GATA2: variants seen among roughly 807,000 people sequenced by gnomAD.
The protein encoded by GATA2 is endothelial transcription factor GATA-2.
GATA2 carries 6 observed loss-of-function variants against 35.7 expected under a neutral mutation model. The observed-to-expected ratio is 0.17, with a 90% CI of 0.09 to 0.33. GATA2 has a LOEUF of 0.33. GATA2 is among the 10% of genes least tolerant of loss of function. The pLI is 1.00. For synonymous variants in GATA2, 313 were observed against 274.9 expected (o/e 1.14, Z -1.37); for missense variants, 541 against 656.6 (o/e 0.82, Z 1.92).
At position 128,487,073 on chromosome 3, in the gene GATA2, G is replaced by A. The variant is rs886057933; in HGVS notation, c.-42C>T. On this transcript the variant is annotated 5_prime_UTR_variant, in exon 2 of 6. Transcript: ENST00000341105. ...TCAGGGTCTGGGTGCAGACGGCAAC[G>A]GCCCTGCGCGAGGAAGGGGGAGTGA... 6 of 1,490,968 alleles carry A rather than the reference G, an allele frequency of 4.0e-6. No homozygotes were observed. Among genetic ancestry groups the A allele is most frequent in the Middle Eastern group, 4.1e-4 (2 of 4,904 alleles). 92.4% of individuals were successfully genotyped at this position (1,490,968 alleles called of 1,614,324 possible). A position where few individuals can be genotyped will look rare whatever the true frequency, so the allele number is the denominator to read the frequency against.
rs1430738321 is a variant in GATA2, at chr3:128,480,462, C to A, written c.*557G>T. Reference sequence around the variant, plus strand: ...CCGTCAAAGCAGGCACCAGCTCACCCTCCCTGGGCCGTGGCCACTCTGGCT... The same window carrying A: ...CCGTCAAAGCAGGCACCAGCTCACCATCCCTGGGCCGTGGCCACTCTGGCT... On this transcript the variant is annotated 3_prime_UTR_variant, in exon 6 of 6. Transcript: ENST00000341105. 4 of 238,776 alleles carry A rather than the reference C, an allele frequency of 1.7e-5. No individual in the cohort carries two copies. Among genetic ancestry groups the A allele is most frequent in the Non-Finnish European group, 3.3e-5 (4 of 121,938 alleles). 14.8% of individuals were successfully genotyped at this position (238,776 alleles called of 1,614,324 possible). A position where few individuals can be genotyped will look rare whatever the true frequency, so the allele number is the denominator to read the frequency against.
chr3:128,489,109 A>T (rs1247928159), intron 1 of GATA2: 1 of 151,968 alleles, frequency 6.6e-6, no homozygotes, highest in Non-Finnish European at 1.5e-5. Flanking sequence ...GGGCGGCGGG[A>T]TTGACAGTCG....
At position 128,481,133 on chromosome 3, in the gene GATA2, G is replaced by T. The variant is rs769577309; in HGVS notation, c.1329C>A (p.Leu443=). Residue 443 remains leucine, a synonymous_variant, in exon 6 of 6, where the codon CTC becomes CTA. Transcript: ENST00000341105. The stretch of plus-strand genomic sequence containing the variant: ...TGTGTCCGGAGTGGCTGAAGGGCGG[G>T]AGGTGGCCCACAGGTGCCATGTGTC... ...LAGHMAPVGH[L]PPFSHSGHIL... is the part of the protein sequence containing the mutation. The T allele has an allele frequency of 2.5e-6, 4 of 1,614,250 alleles. No individual in the cohort carries two copies. The highest frequency in any genetic ancestry group is 3.4e-6 in the Non-Finnish European group (4 of 1,180,044).
At chr3:128,485,018 T>C (rs1418807051) in intron 3 of GATA2, among the ~76,000 whole-genome samples, 1 of 152,238 alleles carries the variant, frequency 6.6e-6, no homozygotes, top group East Asian at 1.9e-4. Flanking sequence ...CACGAGTTTC[T>C]GGGTTTATGC....
At chr3:128,491,118 G>A (rs1559989977) in intron 1 of GATA2, among the ~76,000 whole-genome samples, 1 of 151,930 alleles carries the variant, frequency 6.6e-6, no homozygotes. Context: ...AGCAGATCTG[G>A]TGCCCGGTTC....
intron 1 of GATA2, chr3:128,491,943 C>T (rs934380299): frequency 6.6e-6 from 1 of 152,242 alleles, no homozygotes; most frequent in Non-Finnish European, 1.5e-5. Context: ...AATTTGTCTG[C>T]AATTTGTCAG....
rs570531959 is a variant in GATA2 at position 128,486,824 on chromosome 3, C to A, written c.208G>T (p.Val70Phe). ...TCACCGTGCGCGGGGCTGTAGGAGACGCGCGCCCGCGCGTGAGCGGGGTTG... is the reference window on the plus strand; with the variant it reads ...TCACCGTGCGCGGGGCTGTAGGAGAAGCGCGCCCGCGCGTGAGCGGGGTTG... ...YANPAHARAR[V>F]SYSPAHARLT... The change falls in exon 2 of 6, where the codon GTC becomes TTC. Residue 70 changes from valine (V) to phenylalanine (F), a missense_variant. By Grantham distance (50) the Val-to-Phe change is conservative. Coordinates refer to ENST00000341105, the MANE Select transcript of GATA2 (RefSeq NM_032638.5). 2.2e-5 allele frequency: 35 copies of A among 1,608,808 alleles called. No individual in the cohort carries two copies. The East Asian group carries it at 7.6e-4, about 35-fold the overall frequency.
chr3:128,480,938 C>T lies in GATA2; in HGVS notation c.*81G>A. ...CGAGCCGGGCTGGCAGGAGTGGTGT[C>T]GGCCTTCGGGAAATGCTGGGCTGCT... On this transcript the variant is annotated 3_prime_UTR_variant, in exon 6 of 6. Transcript: ENST00000341105. The T allele has an allele frequency of 1.2e-5, 17 of 1,422,102 alleles. No individual in the cohort carries two copies. The highest frequency in any genetic ancestry group is 3.0e-5 in the South Asian group (2 of 67,476). 88.1% of individuals were successfully genotyped at this position (1,422,102 alleles called of 1,614,324 possible). A position where few individuals can be genotyped will look rare whatever the true frequency, so the allele number is the denominator to read the frequency against.
intron 3 of GATA2, among the ~76,000 whole-genome samples, chr3:128,484,677 C>T (rs1000306401): frequency 4.6e-5 from 7 of 151,098 alleles, no homozygotes; most frequent in Admixed American, 1.3e-4. Context: ...AAAAGACCAT[C>T]TGGAATTCAA....
Position 128,481,055 on chromosome 3 carries a change from G to A in GATA2, c.1407C>T (p.His469=), listed in dbSNP as rs772050518. The change falls in exon 6 of 6, where the codon CAC becomes CAT. Residue 469 remains histidine (H), a synonymous_variant. Coordinates refer to ENST00000341105, the MANE Select transcript of GATA2 (RefSeq NM_032638.5). ...IHPSSSLSFG[H]PHPSSMVTAM... is the part of the protein sequence containing the mutation. ...CGGTCACCATGCTGGACGGGTGGGG[G>A]TGGCCGAAGGAGAGGCTGGAGGAGG... 5.0e-6 allele frequency: 8 copies of A among 1,595,842 alleles called. No individual in the cohort carries two copies. Among genetic ancestry groups the A allele is most frequent in the Admixed American group, 1.7e-5 (1 of 59,406 alleles).
rs760230147 is a variant in GATA2 at position 128,486,376 on chromosome 3, CAAAG to C, written c.230-12_230-9del. Reference sequence around the variant, plus strand: ...GGCCTCCGGTCAGGCGGGCTGCGGGCAAAGAGAGAGAGGATCAGGGTGGGCAGAA... The same window carrying C: ...GGCCTCCGGTCAGGCGGGCTGCGGGCAGAGAGAGGATCAGGGTGGGCAGAA... On this transcript the variant is annotated splice_polypyrimidine_tract_variant and intron_variant, in intron 2 of 5. Transcript: ENST00000341105. 3.3e-4 allele frequency: 534 copies of C among 1,596,720 alleles called. No individual in the cohort carries two copies. Among genetic ancestry groups the C allele is most frequent in the Non-Finnish European group, 4.3e-4 (504 of 1,177,396 alleles).
chr3:128,481,740 G>A, intron 5 of GATA2, 79 bp downstream of exon 5: 1 of 1,525,446 alleles, frequency 6.6e-7, no homozygotes, highest in Admixed American at 1.8e-5. Flanking sequence ...GGATATTGTG[G>A]CTGGGGCCTC....
At position 128,480,913 on chromosome 3, in the gene GATA2, C is replaced by A. The variant is rs562315503; in HGVS notation, c.*106G>T. On this transcript the variant is annotated 3_prime_UTR_variant, in exon 6 of 6. Coordinates refer to ENST00000341105, the MANE Select transcript of GATA2 (RefSeq NM_032638.5). The stretch of plus-strand genomic sequence containing the variant: ...CCCTCCAGGAGAGGGGGTGCTGGGC[C>A]GAGCCGGGCTGGCAGGAGTGGTGTC... 7.6e-7 allele frequency: 1 copy of A among 1,316,548 alleles called. No individual in the cohort carries two copies. Among genetic ancestry groups the A allele is most frequent in the South Asian group, 1.6e-5 (1 of 64,348 alleles). 81.6% of individuals were successfully genotyped at this position (1,316,548 alleles called of 1,614,324 possible).
intron 1 of GATA2, among the ~76,000 whole-genome samples, chr3:128,487,449 G>A (rs901822620): frequency 7.2e-5 from 11 of 151,768 alleles, no homozygotes; most frequent in African/African-American, 2.7e-4. Flanking sequence ...GGAGACAGGC[G>A]CCCGGGCACC....
At position 128,486,967 on chromosome 3, in the gene GATA2, G is replaced by T. The variant is rs1430054108; in HGVS notation, c.65C>A (p.Pro22His). 2 of 1,611,726 alleles carry T rather than the reference G, an allele frequency of 1.2e-6. No homozygotes were observed. The highest frequency in any genetic ancestry group is 1.7e-6 in the Non-Finnish European group (2 of 1,179,090). ...AHPAVLNAQHPDSHHPGLAHN... is the reference protein window; with the variant it reads ...AHPAVLNAQHHDSHHPGLAHN... The stretch of plus-strand genomic sequence containing the variant: ...CGCCAGGCCCGGGTGGTGTGAGTCG[G>T]GGTGCTGCGCATTCAGCACGGCCGG... The change falls in exon 2 of 6, where the codon CCC becomes CAC. Residue 22 changes from proline (P) to histidine (H), a missense_variant. Pro to His is a moderately conservative substitution (Grantham distance 77). Around this residue, in one of 5 missense-constraint regions of GATA2, gnomAD observed 389 missense variants for 396.9 expected, o/e 0.98. Transcript: ENST00000341105.
intron 3 of GATA2, 21 bp from the exon 4 acceptor site, chr3:128,484,026 A>C (rs778309198): frequency 1.2e-6 from 2 of 1,609,710 alleles, no homozygotes; most frequent in Non-Finnish European, 1.7e-6. Flanking sequence ...ACAGGGAGAG[A>C]CACGGGGGCC....
In GATA2 at chr3:128,480,007, A is replaced by G. The variant is rs967738291; in HGVS notation, c.*1012T>C. The G allele has an allele frequency of 1.7e-5, 4 of 232,836 alleles. No individual in the cohort carries two copies. In the Admixed American group the frequency reaches 2.3e-4, roughly 13 times the overall value. The allele number at this position is 232,836 out of a possible 1,614,324, so 14.4% of individuals were successfully genotyped here. On this transcript the variant is annotated 3_prime_UTR_variant, in exon 6 of 6. Transcript: ENST00000341105. ...TTTCATACTAGGGCTGTGGGATCCC[A>G]GCTCTTTTCCAAAAAGAATTGCAAA... is the stretch of plus-strand genomic sequence containing the variant.
At chr3:128,483,787 GT>G (rs974134540) in intron 4 of GATA2, 72 bp downstream of exon 4, 26 of 1,600,268 alleles carry the variant, frequency 1.6e-5, no homozygotes, top group Admixed American at 3.3e-5. Context: ...ATTTGAAGGA[GT>G]TTTTTTCCCC....
At chr3:128,492,719 C>A (rs925298705) in intron 1 of GATA2, among the ~76,000 whole-genome samples, 180 bp downstream of exon 1, 24 of 152,186 alleles carry the variant, frequency 1.6e-4, no homozygotes, top group African/African-American at 5.1e-4. Context: ...GCCCAGGTAA[C>A]CAAATACTCC....
Sources: gnomAD v4.1 joint callset for allele counts (sites outside exome capture counted in the v4.1 genomes callset) on GRCh38, gnomAD v4.1.1 for gene constraint, gnomAD v4.1.1 regional missense constraint, MANE v1.5 for transcripts, NCBI Gene and HGNC (gene_info 2026-07-23, HGNC 2026-07-21) for gene names.